Variants in FAR2 observed in about 807,000 individuals in gnomAD.
FAR2 encodes the protein fatty acyl-CoA reductase 2.
A neutral mutation model predicts 56.0 loss-of-function variants in FAR2; 19 were observed. The ratio of observed to expected loss-of-function variants is 0.34; its 90% CI spans 0.24 to 0.50. FAR2 has a LOEUF of 0.50. Among genes scored for constraint, FAR2 ranks in the 20% least tolerant of loss-of-function variants. The pLI is 0.98. For synonymous variants in FAR2, 219 were observed against 218.8 expected, an observed-to-expected ratio of 1.00 and a Z score of -0.01; for missense variants, 508 against 642.2, an observed-to-expected ratio of 0.79 and a Z score of 2.26.
At chr12:29,295,857 T>C (rs1455376814) in intron 3 of FAR2, among the ~76,000 whole-genome samples, 2 of 145,834 alleles carry the variant, frequency 1.4e-5, no homozygotes, top group South Asian at 2.2e-4. Flanking sequence ...CAAGCTCCGC[T>C]TCCCGGGTTC....
At chr12:29,181,107 A>G (rs1328139787) in intron 1 of FAR2, among the ~76,000 whole-genome samples, 1 of 152,154 alleles carries the variant, frequency 6.6e-6, no homozygotes, top group East Asian at 1.9e-4. Context: ...CTCAATAACC[A>G]GTGTTTATCT....
chr12:29,270,492 A>G lies in FAR2; in HGVS notation c.43A>G (p.Ile15Val), dbSNP rs1368097182. The G allele has an allele frequency of 3.1e-6, 5 of 1,610,104 alleles. No homozygotes were observed. The highest frequency in any genetic ancestry group is 4.2e-6 in the Non-Finnish European group (5 of 1,176,990). Residue 15 changes from isoleucine (I) to valine (V), a missense_variant, in exon 2 of 12, where the codon ATC becomes GTC. Transcript: ENST00000536681. ...TTTCTATGGCGGCAAGTCCATTCTC[A>G]TCACGGGGGCCACAGGCTTTCTGGG... ...AAFYGGKSIL[I>V]TGATGFLGKV...
In FAR2 at chr12:29,317,136, T is replaced by C. The variant is rs550686639; in HGVS notation, c.1127+124T>C. 5.6e-5 allele frequency: 58 copies of C among 1,035,678 alleles called. No individual in the cohort carries two copies. In the African/African-American group the frequency reaches 7.9e-4, roughly 14 times the overall value. The allele number at this position is 1,035,678 out of a possible 1,614,324, so 64.2% of individuals were successfully genotyped here. The stretch of plus-strand genomic sequence containing the variant: ...ACTGAATCTTACCCATATATACAGA[T>C]TGAACACACCTAATCTGAAAATCCA... On this transcript the variant is annotated intron_variant, in intron 9 of 11. Coordinates refer to ENST00000536681, the MANE Select transcript of FAR2 (RefSeq NM_001271783.2).
At position 29,197,753 on chromosome 12, in the gene FAR2, G is replaced by T. The variant is rs12309535; in HGVS notation, c.-39+48346G>T. 9.9e-3 allele frequency among the ~76,000 whole-genome samples: 1,509 copies of T among 152,258 alleles called. 27 individuals are homozygous for T. The highest frequency in any genetic ancestry group is 0.034 in the African/African-American group (1,427 of 41,544). On this transcript the variant is annotated intron_variant, in intron 1 of 11. Coordinates refer to ENST00000536681, the MANE Select transcript of FAR2 (RefSeq NM_001271783.2). Reference sequence around the variant, plus strand: ...TTATACCTTAAACTAATGATGTGGAGCATTGACTTCTTTCAAAACTCTCTG... The same window carrying T: ...TTATACCTTAAACTAATGATGTGGATCATTGACTTCTTTCAAAACTCTCTG...
intron 1 of FAR2, among the ~76,000 whole-genome samples, chr12:29,225,180 G>A (rs890377698): frequency 7.2e-5 from 11 of 152,176 alleles, no homozygotes; most frequent in Non-Finnish European, 7.3e-5. Context: ...AGGCTCCAGT[G>A]ACCTGTAATG....
intron 1 of FAR2, among the ~76,000 whole-genome samples, chr12:29,228,633 G>A (rs1471338823): frequency 6.6e-6 from 1 of 152,064 alleles, no homozygotes; most frequent in African/African-American, 2.4e-5. Flanking sequence ...TATCAGCCAG[G>A]TTGCAGTGCA....
At chr12:29,189,490 A>G (rs1445863909) in intron 1 of FAR2, among the ~76,000 whole-genome samples, 2 of 152,136 alleles carry the variant, frequency 1.3e-5, no homozygotes, top group Admixed American at 1.3e-4. Flanking sequence ...CATTTCTCCA[A>G]GGACTCTGGC....
At chr12:29,170,601 TTGTC>T (rs1201733127) in intron 1 of FAR2, among the ~76,000 whole-genome samples, 6 of 152,184 alleles carry the variant, frequency 3.9e-5, no homozygotes, top group Non-Finnish European at 8.8e-5. Flanking sequence ...GACTCCCTCT[TTGTC>T]TGTTTCTTCC....
chr12:29,199,827 A>G (rs1295036100), intron 1 of FAR2, among the ~76,000 whole-genome samples: 2 of 152,114 alleles, frequency 1.3e-5, no homozygotes, highest in Non-Finnish European at 2.9e-5. Context: ...TGAGATGGAG[A>G]TAAGTCTCGT....
At chr12:29,332,182 T>G (rs1949740532) in intron 10 of FAR2, among the ~76,000 whole-genome samples, 1 of 152,150 alleles carries the variant, frequency 6.6e-6, no homozygotes, top group South Asian at 2.1e-4. Context: ...GAAAGGATGG[T>G]AGAACAAAGG....
chr12:29,186,895 T>G lies in FAR2; in HGVS notation c.-39+37488T>G, dbSNP rs572413698. 8.4e-4 allele frequency among the ~76,000 whole-genome samples: 128 copies of G among 152,192 alleles called. 1 individual carries two copies. The highest frequency in any genetic ancestry group is 2.9e-3 in the African/African-American group (121 of 41,526). On this transcript the variant is annotated intron_variant, in intron 1 of 11. Transcript: ENST00000536681. ...GCTCCGCCTCCCGGGTTCACGCCATTCTCCTGCCTCAGCCTTCCAAGTAGC... is the reference window on the plus strand; with the variant it reads ...GCTCCGCCTCCCGGGTTCACGCCATGCTCCTGCCTCAGCCTTCCAAGTAGC...
In FAR2 at chr12:29,189,007, G is replaced by C. The variant is rs151043303; in HGVS notation, c.-39+39600G>C. Among the ~76,000 whole-genome samples, 24 of 152,120 alleles carry C rather than the reference G, an allele frequency of 1.6e-4. No individual in the cohort carries two copies. The East Asian group carries it at 3.3e-3, about 21-fold the overall frequency. On this transcript the variant is annotated intron_variant, in intron 1 of 11. Transcript: ENST00000536681. ...TGGAGATGTTAACCTTCATCACTTA[G>C]TTCCGGTAGTGCTTGCTTAATTTCT...
intron 4 of FAR2, among the ~76,000 whole-genome samples, chr12:29,303,584 G>A (rs574675587): frequency 6.6e-6 from 1 of 152,270 alleles, no homozygotes; most frequent in South Asian, 2.1e-4. Flanking sequence ...GGGAATGGAG[G>A]CCCCCACAGC....
intron 1 of FAR2, among the ~76,000 whole-genome samples, chr12:29,251,024 C>T (rs899668663): frequency 1.2e-4 from 19 of 152,142 alleles, no homozygotes; most frequent in African/African-American, 4.6e-4. Flanking sequence ...ACAGCAGAGT[C>T]AAAACAGCAA....
At chr12:29,327,789 A>G (rs1384231410) in intron 10 of FAR2, among the ~76,000 whole-genome samples, 1 of 152,178 alleles carries the variant, frequency 6.6e-6, no homozygotes, top group Admixed American at 6.5e-5. Context: ...TAGACCTAAA[A>G]CCATAAAAAC....
chr12:29,210,759 C>T (rs917742118), intron 1 of FAR2, among the ~76,000 whole-genome samples: 1 of 152,144 alleles, frequency 6.6e-6, no homozygotes, highest in Non-Finnish European at 1.5e-5. Flanking sequence ...TGAGACCAGC[C>T]TGGCCAATAT....
At chr12:29,167,007 C>A in intron 1 of FAR2, among the ~76,000 whole-genome samples, 1 of 152,206 alleles carries the variant, frequency 6.6e-6, no homozygotes, top group East Asian at 1.9e-4. Flanking sequence ...TTGCCAACTG[C>A]TTCTATTCCT....
chr12:29,293,606 TC>T, intron 3 of FAR2, 131 bp downstream of exon 3: 1 of 760,182 alleles, frequency 1.3e-6, no homozygotes, highest in Non-Finnish European at 1.9e-6. Flanking sequence ...TCCTCCAAAA[TC>T]CCACCATCTA....
intron 1 of FAR2, among the ~76,000 whole-genome samples, chr12:29,228,709 T>A (rs896558951): frequency 9.9e-5 from 15 of 152,168 alleles, no homozygotes; most frequent in Non-Finnish European, 4.4e-5. Flanking sequence ...CACCTCATAC[T>A]CCTGAGTAGC....
Sources: gnomAD v4.1 joint callset for allele counts (sites outside exome capture counted in the v4.1 genomes callset) on GRCh38, gnomAD v4.1.1 for gene constraint, MANE v1.5 for transcripts, NCBI Gene and HGNC (gene_info 2026-07-23, HGNC 2026-07-21) for gene names.